RGS6: variants seen among roughly 807,000 people sequenced by gnomAD.
RGS6 encodes regulator of G protein signaling 6.
In RGS6, 30 loss-of-function variants were observed where a neutral mutation model predicts 78.5. The ratio of observed to expected loss-of-function variants is 0.38; its 90% confidence interval spans 0.29 to 0.52. The LOEUF (loss-of-function observed/expected upper bound fraction) is 0.52. Ranked by LOEUF, RGS6 falls within the 20% of genes least tolerant of loss-of-function variation. RGS6 has a pLI of 0.85. For missense variants in RGS6, 495 were observed against 609.7 expected (o/e 0.81, Z 1.98); for synonymous variants, 206 against 206.0 (o/e 1.00, Z 0.00).
chr14:72,225,365 C>G (rs2108467), intron 2 of RGS6, among the ~76,000 whole-genome samples: 75,580 of 151,906 alleles, frequency 0.5, 19,047 homozygotes, highest in Middle Eastern at 0.63. Flanking sequence ...TGCTGTCACC[C>G]AGGCAAGAGT....
chr14:72,005,349 GTTAT>G (rs2084303176), intron 2 of RGS6, among the ~76,000 whole-genome samples: 1 of 152,054 alleles, frequency 6.6e-6, no homozygotes, highest in Non-Finnish European at 1.5e-5. Context: ...AGTATTACAT[GTTAT>G]TTAATTATGT....
chr14:72,011,100 G>A (rs1567014257), intron 2 of RGS6, among the ~76,000 whole-genome samples: 1 of 152,170 alleles, frequency 6.6e-6, no homozygotes, highest in East Asian at 1.9e-4. Context: ...TTGTAATTTT[G>A]TCCTTTGACA....
intron 2 of RGS6, among the ~76,000 whole-genome samples, chr14:72,328,793 A>G (rs1393514063): frequency 6.6e-6 from 1 of 152,358 alleles, no homozygotes; most frequent in African/African-American, 2.4e-5. Flanking sequence ...CTATTCTCCC[A>G]AAATACATTA....
At chr14:72,568,058 T>G (rs1237307885), downstream of RGS6, among the ~76,000 whole-genome samples, 1 of 152,208 alleles carries the variant, frequency 6.6e-6, no homozygotes, top group Non-Finnish European at 1.5e-5. Flanking sequence ...GAGCTCCATC[T>G]GTCACAGAGC....
intron 2 of RGS6, among the ~76,000 whole-genome samples, chr14:72,326,764 G>C (rs1032199922): frequency 8.5e-5 from 13 of 152,140 alleles, no homozygotes; most frequent in African/African-American, 2.4e-5. Flanking sequence ...GTGCAGTGAC[G>C]TGATCTTGGT....
intron 3 of RGS6, among the ~76,000 whole-genome samples, chr14:72,429,853 T>C (rs1431740024): frequency 6.6e-6 from 1 of 152,112 alleles, no homozygotes; most frequent in Non-Finnish European, 1.5e-5. Context: ...ATGGGAGCGG[T>C]TTCCTCCATG....
chr14:72,279,121 G>T (rs1595201414), intron 2 of RGS6, among the ~76,000 whole-genome samples: 1 of 151,972 alleles, frequency 6.6e-6, no homozygotes, highest in African/African-American at 2.4e-5. Context: ...TAAGAATTTT[G>T]CAGGGACATG....
chr14:72,087,715 ATGT>A (rs1359025764), intron 2 of RGS6, among the ~76,000 whole-genome samples: 1 of 151,910 alleles, frequency 6.6e-6, no homozygotes, highest in African/African-American at 2.4e-5. Flanking sequence ...AATACTGGTA[ATGT>A]TGTAATTTTT....
chr14:71,984,982 G>T (rs1038417014), intron 2 of RGS6, among the ~76,000 whole-genome samples: 1 of 152,120 alleles, frequency 6.6e-6, no homozygotes, highest in Non-Finnish European at 1.5e-5. Context: ...CTTCCTCCCA[G>T]TCCTTGAATA....
intron 2 of RGS6, among the ~76,000 whole-genome samples, chr14:71,994,234 T>C (rs558764886): frequency 6.6e-6 from 1 of 152,200 alleles, no homozygotes; most frequent in East Asian, 1.9e-4. Flanking sequence ...CTGTTAGAAT[T>C]CTGGGCCTCC....
chr14:72,560,831 TG>T lies in RGS6; in HGVS notation c.1423-1585del, dbSNP rs1362258166. Among the ~76,000 whole-genome samples the T allele has an allele frequency of 7.7e-4, 113 of 145,848 alleles. 3 individuals carry two copies. Among genetic ancestry groups the T allele is most frequent in the East Asian group, 7.8e-4 (4 of 5,116 alleles). On this transcript the variant is annotated intron_variant, in intron 17 of 17. Coordinates refer to ENST00000553525, the MANE Select transcript of RGS6 (RefSeq NM_001204424.2). ...GTGTGTGTGTGTGTGTGTGTGTGTG[TG>T]TGTGTGTTTAAGATGGGGAGAAAAA...
chr14:71,878,739 G>C, the RGS6 span, among the ~76,000 whole-genome samples: 1 of 152,194 alleles, frequency 6.6e-6, no homozygotes, highest in Non-Finnish European at 1.5e-5. Context: ...TGGTACCTCA[G>C]TTGGAAATGC....
intron 2 of RGS6, among the ~76,000 whole-genome samples, chr14:72,221,471 T>C (rs567633405): frequency 1.6e-4 from 24 of 152,324 alleles, no homozygotes; most frequent in Non-Finnish European, 2.4e-4. Context: ...CATTCTTCCT[T>C]ACTGCGTGGG....
At chr14:72,556,624 G>GTGTTTGT (rs1555473597) in intron 17 of RGS6, among the ~76,000 whole-genome samples, 1 of 130,136 alleles carries the variant, frequency 7.7e-6, no homozygotes, top group African/African-American at 2.7e-5. Context: ...CAGAGCCTGA[G>GTGTTTGT]TGTTTACACC....
chr14:72,048,109 T>C (rs1371924220), intron 2 of RGS6, among the ~76,000 whole-genome samples: 5 of 152,026 alleles, frequency 3.3e-5, no homozygotes, highest in African/African-American at 1.2e-4. Flanking sequence ...CAAGAGAGAC[T>C]GCGGATTCAG....
At chr14:72,022,140 A>G (rs1214204285) in intron 2 of RGS6, among the ~76,000 whole-genome samples, 2 of 152,308 alleles carry the variant, frequency 1.3e-5, no homozygotes, top group East Asian at 3.9e-4. Flanking sequence ...ATTTCATGAT[A>G]TATACGTACC....
intron 2 of RGS6, among the ~76,000 whole-genome samples, chr14:72,041,405 G>T (rs1358068924): frequency 6.6e-6 from 1 of 152,116 alleles, no homozygotes; most frequent in Non-Finnish European, 1.5e-5. Context: ...AGTACTGTAG[G>T]TTCTCCGGTA....
intron 1 of RGS6, among the ~76,000 whole-genome samples, chr14:71,944,073 T>C (rs1002591247): frequency 3.3e-5 from 5 of 152,184 alleles, no homozygotes; most frequent in African/African-American, 1.2e-4. Context: ...CGGTTTGGCT[T>C]TTTTGTTTTG....
At chr14:72,412,737 G>C (rs1048696520) in intron 3 of RGS6, among the ~76,000 whole-genome samples, 1 of 152,088 alleles carries the variant, frequency 6.6e-6, no homozygotes, top group African/African-American at 2.4e-5. Context: ...ACACTGCTTT[G>C]AATGTGTCCC....
Sources: gnomAD v4.1 joint callset for allele counts (sites outside exome capture counted in the v4.1 genomes callset) on GRCh38, gnomAD v4.1.1 for gene constraint, MANE v1.5 for transcripts, NCBI Gene and HGNC (gene_info 2026-07-23, HGNC 2026-07-21) for gene names.